Variants in PPM1N observed in about 807,000 individuals in gnomAD.
PPM1N encodes probable protein phosphatase 1N.
Under a neutral mutation model 32.6 loss-of-function variants are expected in PPM1N, and 35 were observed. The ratio of observed to expected loss-of-function variants is 1.07; its 90% CI spans 0.82 to 1.43. The LOEUF (loss-of-function observed/expected upper bound fraction) is 1.43, where lower values mean the gene tolerates loss of function less well. Among genes scored for constraint, PPM1N ranks in the 40% most tolerant of loss-of-function variants. PPM1N has a pLI of 0.00. For missense variants in PPM1N, 648 were observed against 606.6 expected (o/e 1.07, Z -0.72); for synonymous variants, 275 against 270.5 (o/e 1.02, Z -0.16).
Position 45,498,636 on chromosome 19 carries a change from C to T in PPM1N, c.164C>T (p.Pro55Leu). 1 of 1,412,492 alleles carries T rather than the reference C, an allele frequency of 7.1e-7. No individual in the cohort carries two copies. The highest frequency in any genetic ancestry group is 9.2e-7 in the Non-Finnish European group (1 of 1,088,668). The allele number at this position is 1,412,492 out of a possible 1,614,324, so 87.5% of individuals were successfully genotyped here. A position where few individuals can be genotyped will look rare whatever the true frequency, so the allele number is the denominator to read the frequency against. ...LLTAPRRAQRPHGGAEASGGL... is the reference protein window; with the variant it reads ...LLTAPRRAQRLHGGAEASGGL... ...ACAGCGCCGCGCCGCGCCCAGCGGC[C>T]GCACGGGGGTGCCGAGGCGTCTGGG... The change falls in exon 1 of 5, where the codon CCG (proline) becomes CTG (leucine). Residue 55 changes from proline to leucine, a missense_variant. Physicochemically the swap from Pro to Leu is moderately conservative, Grantham distance 98. Transcript: ENST00000451287.
chr19:45,498,853 C>A lies in PPM1N; in HGVS notation c.381C>A (p.Gly127=). 1.3e-6 allele frequency: 2 copies of A among 1,530,306 alleles called. No homozygotes were observed. Among genetic ancestry groups the A allele is most frequent in the Non-Finnish European group, 1.7e-6 (2 of 1,148,158 alleles). 94.8% of individuals were successfully genotyped at this position (1,530,306 alleles called of 1,614,324 possible). ...HLPGHVLQEL[G]PEPSEPEGVR... is the part of the protein sequence containing the mutation. ...CAGGCCATGTGCTCCAGGAGCTGGG[C>A]CCGGAGCCTAGCGAGCCCGAGGGCG... Residue 127 remains glycine, a synonymous_variant, in exon 1 of 5, where the codon GGC becomes GGA. Transcript: ENST00000451287.
chr19:45,501,196 T>C (rs933013325), intron 4 of PPM1N, among the ~76,000 whole-genome samples: 16 of 152,122 alleles, frequency 1.1e-4, no homozygotes, highest in Non-Finnish European at 1.3e-4. Context: ...ATGGAAACAT[T>C]CAGGGAATGC....
At chr19:45,500,954 GA>G (rs1968405432) in intron 4 of PPM1N, among the ~76,000 whole-genome samples, 1 of 151,514 alleles carries the variant, frequency 6.6e-6, no homozygotes, top group Non-Finnish European at 1.5e-5. Context: ...GGGCTCAAGG[GA>G]TCCTCCTGCT....
In PPM1N at chr19:45,500,689, G is replaced by A. The variant is rs1477313061; in HGVS notation, c.1203G>A (p.Gln401=). 15 of 1,604,114 alleles carry A rather than the reference G, an allele frequency of 9.4e-6. No homozygotes were observed. Among genetic ancestry groups the A allele is most frequent in the Non-Finnish European group, 1.0e-5 (12 of 1,175,526 alleles). ...CTGAAGTTTATTCTCAGATCTGCCA[G>A]GTCTCAGAAGAGTGCGGAGAGGTAA... The part of the protein sequence containing the change: ...VIAEVYSQIC[Q]VSEECGEKGQ... The change falls in exon 4 of 5, where the codon CAG becomes CAA. Residue 401 remains glutamine, a synonymous_variant. Transcript: ENST00000451287.
rs1568630089 is a variant in PPM1N, at chr19:45,502,324, A to AC, written c.*239_*240insC. On this transcript the variant is annotated 3_prime_UTR_variant, in exon 5 of 5. Transcript: ENST00000451287. Reference sequence around the variant, plus strand: ...GCCCAAATCGAAAAAAAAAAAAAAAAAAAAAAAAAACAAAAAAACCCAACC... The same window carrying AC: ...GCCCAAATCGAAAAAAAAAAAAAAAACAAAAAAAAAACAAAAAAACCCAACC... The AC allele has an allele frequency of 6.2e-5, 33 of 533,592 alleles. No individual in the cohort carries two copies. Among genetic ancestry groups the AC allele is most frequent in the African/African-American group, 4.6e-4 (22 of 47,314 alleles). 33.1% of individuals were successfully genotyped at this position (533,592 alleles called of 1,614,324 possible). A position where few individuals can be genotyped will look rare whatever the true frequency, so the allele number is the denominator to read the frequency against.
In PPM1N at chr19:45,502,106, T is replaced by C; in HGVS notation, c.*21T>C. 2 of 1,576,654 alleles carry C rather than the reference T, an allele frequency of 1.3e-6. No homozygotes were observed. Among genetic ancestry groups the C allele is most frequent in the Non-Finnish European group, 1.7e-6 (2 of 1,158,514 alleles). On this transcript the variant is annotated 3_prime_UTR_variant, in exon 5 of 5. Transcript: ENST00000451287. ...CCTGACAGCTGTTGTCCTTTGGGGA[T>C]CCTTTGCTTCTCTGGGGCCTCAACA...
Position 45,499,046 on chromosome 19 carries a change from G to T in PPM1N, c.574G>T (p.Ala192Ser). 1 of 1,534,414 alleles carries T rather than the reference G, an allele frequency of 6.5e-7. No homozygotes were observed. The highest frequency in any genetic ancestry group is 1.2e-5 in the South Asian group (1 of 82,822). ...DSRAVLSRAG[A>S]VAFSTEDHRP... ...CCGCGCGGTGCTGAGCCGCGCTGGCGCCGTGGCCTTCAGCACAGAGGACCA... is the reference window on the plus strand; with the variant it reads ...CCGCGCGGTGCTGAGCCGCGCTGGCTCCGTGGCCTTCAGCACAGAGGACCA... The change falls in exon 1 of 5, where the codon GCC (alanine) becomes TCC (serine). Residue 192 changes from alanine (A) to serine (S), a missense_variant. Ala to Ser is a moderately conservative substitution (Grantham distance 99). Coordinates refer to ENST00000451287, the MANE Select transcript of PPM1N (RefSeq NM_001080401.2).
Position 45,498,467 on chromosome 19 carries a change from T to C in PPM1N, c.-6T>C. 7.4e-7 allele frequency: 1 copy of C among 1,347,772 alleles called. No homozygotes were observed. The highest frequency in any genetic ancestry group is 9.5e-7 in the Non-Finnish European group (1 of 1,048,334). 83.5% of individuals were successfully genotyped at this position (1,347,772 alleles called of 1,614,324 possible). ...GGTGGAGCCTTCCTGATCCCAGGGC[T>C]GAAGGATGGCGGTCCTGGCCCGCCA... On this transcript the variant is annotated 5_prime_UTR_variant, in exon 1 of 5. Coordinates refer to ENST00000451287, the MANE Select transcript of PPM1N (RefSeq NM_001080401.2).
rs553673397 is a variant in PPM1N, at chr19:45,498,855, C to T, written c.383C>T (p.Pro128Leu). The change falls in exon 1 of 5, where the codon CCG becomes CTG. Residue 128 changes from proline to leucine, a missense_variant. Coordinates refer to ENST00000451287, the MANE Select transcript of PPM1N (RefSeq NM_001080401.2). ...LPGHVLQELG[P>L]EPSEPEGVRE... ...GGCCATGTGCTCCAGGAGCTGGGCCCGGAGCCTAGCGAGCCCGAGGGCGTG... is the reference window on the plus strand; with the variant it reads ...GGCCATGTGCTCCAGGAGCTGGGCCTGGAGCCTAGCGAGCCCGAGGGCGTG... 2.6e-6 allele frequency: 4 copies of T among 1,526,804 alleles called. No homozygotes were observed. The highest frequency in any genetic ancestry group is 4.1e-5 in the Admixed American group (2 of 49,134). 94.6% of individuals were successfully genotyped at this position (1,526,804 alleles called of 1,614,324 possible). A position where few individuals can be genotyped will look rare whatever the true frequency, so the allele number is the denominator to read the frequency against.
chr19:45,498,931 C>T lies in PPM1N; in HGVS notation c.459C>T (p.Ser153=). ...TGAGCGCCGACGAGCGCCTGCGCTC[C>T]CTCTGGCCCCGCGTGGAAACGGGCG... ...AFLSADERLR[S]LWPRVETGGC... The change falls in exon 1 of 5, where the codon TCC becomes TCT. Residue 153 remains serine, a synonymous_variant. Transcript: ENST00000451287. The T allele has an allele frequency of 1.3e-6, 2 of 1,541,044 alleles. No individual in the cohort carries two copies. Among genetic ancestry groups the T allele is most frequent in the East Asian group, 2.5e-5 (1 of 40,528 alleles).
chr19:45,502,321 A>AC lies in PPM1N; in HGVS notation c.*236_*237insC, dbSNP rs1268492002. The AC allele has an allele frequency of 1.3e-5, 7 of 537,560 alleles. No homozygotes were observed. The highest frequency in any genetic ancestry group is 2.1e-5 in the African/African-American group (1 of 48,186). The allele number at this position is 537,560 out of a possible 1,614,324, so 33.3% of individuals were successfully genotyped here. On this transcript the variant is annotated 3_prime_UTR_variant, in exon 5 of 5. Coordinates refer to ENST00000451287, the MANE Select transcript of PPM1N (RefSeq NM_001080401.2). ...AAAGCCCAAATCGAAAAAAAAAAAA[A>AC]AAAAAAAAAAAAACAAAAAAACCCA...
rs578120365 is a variant in PPM1N at position 45,499,058 on chromosome 19, A to G, written c.586A>G (p.Ser196Gly). Residue 196 changes from serine (S) to glycine (G), a missense_variant, in exon 1 of 5, where the codon AGC becomes GGC. Coordinates refer to ENST00000451287, the MANE Select transcript of PPM1N (RefSeq NM_001080401.2). ...GAGCCGCGCTGGCGCCGTGGCCTTC[A>G]GCACAGAGGACCACCGGCCCCTTCG... ...VLSRAGAVAFSTEDHRPLRPR... is the reference protein window; with the variant it reads ...VLSRAGAVAFGTEDHRPLRPR... 1 of 1,528,818 alleles carries G rather than the reference A, an allele frequency of 6.5e-7. No individual in the cohort carries two copies. Among genetic ancestry groups the G allele is most frequent in the Non-Finnish European group, 8.7e-7 (1 of 1,148,370 alleles). 94.7% of individuals were successfully genotyped at this position (1,528,818 alleles called of 1,614,324 possible).
chr19:45,499,262 G>T lies in PPM1N; in HGVS notation c.790G>T (p.Ala264Ser). 6.2e-7 allele frequency: 1 copy of T among 1,610,384 alleles called. No homozygotes were observed. Among genetic ancestry groups the T allele is most frequent in the Non-Finnish European group, 8.5e-7 (1 of 1,179,048 alleles). Reference protein sequence around the residue: ...EPEVAALARQAEDEFMLLASD... With the variant: ...EPEVAALARQSEDEFMLLASD... Reference sequence around the variant, plus strand: ...AGAGGTGGCCGCACTGGCACGCCAGGCTGAGGACGAGTTCATGCTCCTGGC... The same window carrying T: ...AGAGGTGGCCGCACTGGCACGCCAGTCTGAGGACGAGTTCATGCTCCTGGC... Residue 264 changes from alanine to serine, a missense_variant, in exon 1 of 5, where the codon GCT (alanine) becomes TCT (serine). Physicochemically the swap from Ala to Ser is moderately conservative, Grantham distance 99. Transcript: ENST00000451287.
rs763921031 is a variant in PPM1N at position 45,499,164 on chromosome 19, G to C, written c.692G>C (p.Arg231Pro). The change falls in exon 1 of 5, where the codon CGA becomes CCA. Residue 231 changes from arginine to proline, a missense_variant. By Grantham distance (103) the Arg-to-Pro change is moderately radical. Coordinates refer to ENST00000451287, the MANE Select transcript of PPM1N (RefSeq NM_001080401.2). Reference sequence around the variant, plus strand: ...GTCGAGGGCTCTCTGGCCGTGTCGCGAGCGTTGGGCGACTTTACCTACAAG... The same window carrying C: ...GTCGAGGGCTCTCTGGCCGTGTCGCCAGCGTTGGGCGACTTTACCTACAAG... ...RRVEGSLAVS[R>P]ALGDFTYKEA... The C allele has an allele frequency of 1.2e-5, 18 of 1,527,326 alleles. No homozygotes were observed. The highest frequency in any genetic ancestry group is 1.5e-5 in the Non-Finnish European group (17 of 1,144,978). 94.6% of individuals were successfully genotyped at this position (1,527,326 alleles called of 1,614,324 possible). A position where few individuals can be genotyped will look rare whatever the true frequency, so the allele number is the denominator to read the frequency against.
rs761044951 is a variant in PPM1N, at chr19:45,499,468, T to C, written c.939+57T>C. 5.0e-6 allele frequency: 8 copies of C among 1,598,426 alleles called. No homozygotes were observed. The Admixed American group carries it at 1.2e-4, about 24-fold the overall frequency. The stretch of plus-strand genomic sequence containing the variant: ...CTTGGTGCAGCAGAGGGAGAGAGCC[T>C]CGGGGTTTTGGGGAGGAGGGCTTTG... On this transcript the variant is annotated intron_variant, in intron 1 of 4. Coordinates refer to ENST00000451287, the MANE Select transcript of PPM1N (RefSeq NM_001080401.2).
intron 1 of PPM1N, 186 bp from the exon 2 acceptor site, chr19:45,499,763 A>T (rs772760119): frequency 6.0e-6 from 9 of 1,512,368 alleles, no homozygotes; most frequent in Non-Finnish European, 8.0e-6. Flanking sequence ...GGGAAAAGGC[A>T]TTGTTCTCTC....
chr19:45,501,187 T>C (rs1968409216), intron 4 of PPM1N, among the ~76,000 whole-genome samples: 1 of 152,100 alleles, frequency 6.6e-6, no homozygotes, highest in Non-Finnish European at 1.5e-5. Context: ...AAGAATAAGA[T>C]GGAAACATTC....
Position 45,498,679 on chromosome 19 carries a change from G to T in PPM1N, c.207G>T (p.Ala69=), listed in dbSNP as rs1968347845. The T allele has an allele frequency of 6.9e-7, 1 of 1,450,428 alleles. No individual in the cohort carries two copies. Among genetic ancestry groups the T allele is most frequent in the East Asian group, 2.9e-5 (1 of 34,078 alleles). 89.8% of individuals were successfully genotyped at this position (1,450,428 alleles called of 1,614,324 possible). The change falls in exon 1 of 5, where the codon GCG becomes GCT. Residue 69 remains alanine (A), a synonymous_variant. Transcript: ENST00000451287. Reference sequence around the variant, plus strand: ...CGTCTGGGGGCCTGCGCTTCGGGGCGAGCGCAGCGCAAGGCTGGCGCGCGC... The same window carrying T: ...CGTCTGGGGGCCTGCGCTTCGGGGCTAGCGCAGCGCAAGGCTGGCGCGCGC... ...AEASGGLRFG[A]SAAQGWRARM... is the part of the protein sequence containing the mutation.
Position 45,498,630 on chromosome 19 carries a change from A to G in PPM1N, c.158A>G (p.Gln53Arg), listed in dbSNP as rs1409108960. ...CTGTTGACAGCGCCGCGCCGCGCCC[A>G]GCGGCCGCACGGGGGTGCCGAGGCG... Reference protein sequence around the residue: ...RSLLTAPRRAQRPHGGAEASG... With the variant: ...RSLLTAPRRARRPHGGAEASG... Residue 53 changes from glutamine to arginine, a missense_variant, in exon 1 of 5, where the codon CAG becomes CGG. By Grantham distance (43) the Gln-to-Arg change is conservative (BLOSUM62 1). Transcript: ENST00000451287. The G allele has an allele frequency of 7.8e-6, 11 of 1,414,504 alleles. No individual in the cohort carries two copies. In the South Asian group the frequency reaches 1.5e-4, roughly 20 times the overall value. 87.6% of individuals were successfully genotyped at this position (1,414,504 alleles called of 1,614,324 possible).
Sources: gnomAD v4.1 joint callset for allele counts (sites outside exome capture counted in the v4.1 genomes callset) on GRCh38, gnomAD v4.1.1 for gene constraint, MANE v1.5 for transcripts, NCBI Gene and HGNC (gene_info 2026-07-23, HGNC 2026-07-21) for gene names.